Variants in FYB2 observed in about 807,000 individuals in gnomAD.
FYB2 encodes FYN binding protein 2.
FYB2 carries 103 observed loss-of-function variants against 94.1 expected under a neutral mutation model. The ratio of observed to expected loss-of-function variants is 1.09; its 90% confidence interval spans 0.93 to 1.29. FYB2 has a LOEUF of 1.29. Ranked by LOEUF, FYB2 falls within the 50% of genes most tolerant of loss-of-function variation. The probability of loss-of-function intolerance (pLI) is 0.00; values close to 1 mark genes in which losing one functional copy is unlikely to be tolerated. For missense variants in FYB2, 896 were observed against 841.5 expected (o/e 1.06, Z -0.80); for synonymous variants, 293 against 287.9 (o/e 1.02, Z -0.18).
At chr1:56,820,602 C>T (rs907144990), upstream of FYB2, among the ~76,000 whole-genome samples, 4 of 152,180 alleles carry the variant, frequency 2.6e-5, no homozygotes, top group African/African-American at 9.7e-5. Context: ...CGCCTGAGGG[C>T]CATTTCCTCT....
At chr1:56,776,953 G>GATATCAAATAACTTT (rs1570111199) in intron 4 of FYB2, among the ~76,000 whole-genome samples, 1 of 14,432 alleles carries the variant, frequency 6.9e-5, no homozygotes, top group Non-Finnish European at 1.1e-4. Flanking sequence ...GAAGGCCCAG[G>GATATCAAATAACTTT]CCGGGCGCGG....
chr1:56,720,487 G>A (rs1324554844), intron 17 of FYB2, 158 bp from the exon 18 acceptor site: 5 of 549,744 alleles, frequency 9.1e-6, no homozygotes, highest in Admixed American at 4.1e-5. Context: ...AAAGTATGCA[G>A]TTAAAGGAAA....
chr1:56,748,706 C>T (rs1463758042), intron 9 of FYB2, among the ~76,000 whole-genome samples: 1 of 151,996 alleles, frequency 6.6e-6, no homozygotes, highest in Non-Finnish European at 1.5e-5. Flanking sequence ...ATCACCTTCT[C>T]AATATAAGCA....
At chr1:56,818,455 A>AAC (rs3991685) in intron 1 of FYB2, among the ~76,000 whole-genome samples, 9,629 of 139,782 alleles carry the variant, frequency 0.069, 329 homozygotes, top group Admixed American at 0.14. Flanking sequence ...GTATGGAAGC[A>AAC]ACACACACAC....
At chr1:56,725,877 T>C (rs562270455) in intron 16 of FYB2, among the ~76,000 whole-genome samples, 1 of 151,984 alleles carries the variant, frequency 6.6e-6, no homozygotes, top group African/African-American at 2.4e-5. Flanking sequence ...AAGTCATTTG[T>C]AGAGAAAGTA....
chr1:56,799,484 C>T (rs997363544), intron 1 of FYB2, among the ~76,000 whole-genome samples: 26 of 151,856 alleles, frequency 1.7e-4, no homozygotes, highest in Admixed American at 1.5e-3. Context: ...TTATTTATAC[C>T]GACATGAGCA....
At chr1:56,776,054 G>T (rs1645868374) in intron 4 of FYB2, among the ~76,000 whole-genome samples, 1 of 152,168 alleles carries the variant, frequency 6.6e-6, no homozygotes, top group Non-Finnish European at 1.5e-5. Flanking sequence ...CTGCTAAGTA[G>T]CAGAGGTGGG....
intron 15 of FYB2, among the ~76,000 whole-genome samples, chr1:56,733,057 G>A (rs1352248478): frequency 6.6e-6 from 1 of 151,876 alleles, no homozygotes; most frequent in African/African-American, 2.4e-5. Flanking sequence ...CTTACAGAAT[G>A]GAGAAAAATA....
chr1:56,759,804 C>T (rs554298467), intron 5 of FYB2, among the ~76,000 whole-genome samples: 1 of 152,152 alleles, frequency 6.6e-6, no homozygotes, highest in East Asian at 1.9e-4. Context: ...GAAATTTGGC[C>T]AGGTGTGGTG....
chr1:56,800,438 GT>G (rs1350463637), intron 1 of FYB2, among the ~76,000 whole-genome samples: 1 of 151,850 alleles, frequency 6.6e-6, no homozygotes, highest in Non-Finnish European at 1.5e-5. Context: ...AAAGCTTAAG[GT>G]TAGAAAGATT....
intron 4 of FYB2, among the ~76,000 whole-genome samples, chr1:56,782,486 A>G (rs941002474): frequency 3.9e-5 from 6 of 152,060 alleles, no homozygotes; most frequent in African/African-American, 1.4e-4. Flanking sequence ...CACGGGTCCT[A>G]GAGACAGTCA....
chr1:56,747,257 T>A (rs57760193), intron 9 of FYB2, among the ~76,000 whole-genome samples: 180 of 149,778 alleles, frequency 1.2e-3, no homozygotes, highest in African/African-American at 4.3e-3. Context: ...TTTTTTAACT[T>A]TTTTTTTTTA....
upstream of FYB2, among the ~76,000 whole-genome samples, chr1:56,822,806 C>A (rs1323882833): frequency 6.6e-6 from 1 of 151,562 alleles, no homozygotes; most frequent in Non-Finnish European, 1.5e-5. Flanking sequence ...CGTGTCCTCA[C>A]CTCTTTCTAA....
At chr1:56,821,987 C>T (rs747453641), upstream of FYB2, among the ~76,000 whole-genome samples, 2 of 152,102 alleles carry the variant, frequency 1.3e-5, no homozygotes, top group Non-Finnish European at 2.9e-5. Flanking sequence ...GTATGAAATC[C>T]TGCTATATCC....
At chr1:56,811,681 C>G (rs1430603608) in intron 1 of FYB2, among the ~76,000 whole-genome samples, 1 of 152,230 alleles carries the variant, frequency 6.6e-6, no homozygotes. Context: ...CAAAGTCACC[C>G]AGAGGTCTTG....
chr1:56,780,268 G>T (rs1370465705), intron 4 of FYB2, among the ~76,000 whole-genome samples: 1 of 152,198 alleles, frequency 6.6e-6, no homozygotes. Flanking sequence ...GCAAGGCTTA[G>T]TTCCAAAACC....
chr1:56,816,772 C>T (rs1230623774), intron 1 of FYB2, among the ~76,000 whole-genome samples: 2 of 152,134 alleles, frequency 1.3e-5, no homozygotes, highest in African/African-American at 4.8e-5. Context: ...AATCTGCTTT[C>T]AAACCTGCTC....
In FYB2 at chr1:56,777,507, A is replaced by G. The variant is rs527497707; in HGVS notation, c.954-9569T>C. ...TCTCTCTGCTTTTGAAGAATTTATAATTTAGTCAGGGAAATGAGATACACC... is the reference window on the plus strand; with the variant it reads ...TCTCTCTGCTTTTGAAGAATTTATAGTTTAGTCAGGGAAATGAGATACACC... On this transcript the variant is annotated intron_variant, in intron 4 of 19. Coordinates refer to ENST00000343433, the MANE Select transcript of FYB2 (RefSeq NM_001004303.5). Among the ~76,000 whole-genome samples, 16 of 152,320 alleles carry G rather than the reference A, an allele frequency of 1.1e-4. No homozygotes were observed. The South Asian group carries it at 3.3e-3, about 32-fold the overall frequency.
At chr1:56,814,116 A>G (rs1267266970) in intron 1 of FYB2, among the ~76,000 whole-genome samples, 2 of 152,226 alleles carry the variant, frequency 1.3e-5, no homozygotes, top group African/African-American at 4.8e-5. Context: ...GAGCTGAGTC[A>G]TAAATGAAGT....
Sources: gnomAD v4.1 joint callset for allele counts (sites outside exome capture counted in the v4.1 genomes callset) on GRCh38, gnomAD v4.1.1 for gene constraint, MANE v1.5 for transcripts, NCBI Gene and HGNC (gene_info 2026-07-23, HGNC 2026-07-21) for gene names.